Variants in NARS2 observed in about 807,000 individuals in gnomAD.
NARS2 encodes the protein asparaginyl-tRNA synthetase.
A neutral mutation model predicts 62.9 loss-of-function variants in NARS2; 60 were observed. The observed-to-expected ratio is 0.95, with a 90% CI of 0.77 to 1.18. NARS2 has a LOEUF of 1.18. NARS2 is among the 50% of genes most tolerant of loss of function. The pLI is 0.00. For missense variants in NARS2, 619 were observed against 576.4 expected (o/e 1.07, Z -0.76); for synonymous variants, 196 against 200.0 (o/e 0.98, Z 0.17).
intron 5 of NARS2, among the ~76,000 whole-genome samples, chr11:78,552,976 T>C (rs1234418649): frequency 6.6e-6 from 1 of 152,210 alleles, no homozygotes; most frequent in African/African-American, 2.4e-5. Flanking sequence ...ATATACCCAG[T>C]AATGGGACTG....
intron 7 of NARS2, among the ~76,000 whole-genome samples, chr11:78,486,904 G>T (rs1411342329): frequency 6.6e-6 from 1 of 151,796 alleles, no homozygotes; most frequent in Non-Finnish European, 1.5e-5. Flanking sequence ...TGGAGAAAAA[G>T]AAACTAAAAA....
intron 5 of NARS2, among the ~76,000 whole-genome samples, chr11:78,538,184 C>G (rs1460684537): frequency 6.6e-6 from 1 of 152,118 alleles, no homozygotes; most frequent in African/African-American, 2.4e-5. Context: ...ACGTTGTTCA[C>G]CTCACAGCAG....
At chr11:78,512,169 T>C (rs1860744293) in intron 6 of NARS2, among the ~76,000 whole-genome samples, 1 of 152,222 alleles carries the variant, frequency 6.6e-6, no homozygotes, top group Non-Finnish European at 1.5e-5. Flanking sequence ...CTCTGACAGT[T>C]AATTGATTTC....
chr11:78,531,412 C>T (rs1451434965), intron 5 of NARS2, among the ~76,000 whole-genome samples: 3 of 151,942 alleles, frequency 2.0e-5, no homozygotes, highest in Non-Finnish European at 2.9e-5. Flanking sequence ...TAGAAATGTA[C>T]AATAAGGGGT....
At chr11:78,525,302 G>A (rs560561424) in intron 6 of NARS2, among the ~76,000 whole-genome samples, 38 of 152,182 alleles carry the variant, frequency 2.5e-4, no homozygotes, top group Non-Finnish European at 4.9e-4. Flanking sequence ...ATAATAATAT[G>A]TCAGTGTAAC....
At chr11:78,548,792 A>T (rs762560151) in intron 5 of NARS2, among the ~76,000 whole-genome samples, 10 of 151,942 alleles carry the variant, frequency 6.6e-5, no homozygotes, top group East Asian at 1.9e-4. Flanking sequence ...AATGTTATTT[A>T]AAAAAAAATT....
chr11:78,574,285 G>C, intron 1 of NARS2, 63 bp downstream of exon 1: 3 of 1,599,270 alleles, frequency 1.9e-6, no homozygotes, highest in Non-Finnish European at 8.6e-7. Flanking sequence ...AGAAAAGCTA[G>C]ATGTGGATGT....
chr11:78,504,319 T>G (rs1035621923), intron 6 of NARS2, among the ~76,000 whole-genome samples: 4 of 152,104 alleles, frequency 2.6e-5, no homozygotes, highest in African/African-American at 9.7e-5. Context: ...TAAATCCACC[T>G]CTTAAATGTG....
rs772547555 is a variant in NARS2, at chr11:78,568,686, T to C, written c.318A>G (p.Gln106=). The C allele has an allele frequency of 1.9e-6, 3 of 1,613,468 alleles. No homozygotes were observed. Among genetic ancestry groups the C allele is most frequent in the Non-Finnish European group, 2.5e-6 (3 of 1,179,598 alleles). ...TTTTTTCTGCCTTCAGTTCCACATT[T>C]TGCCTTTTGGATGGACTTTTTATCA... ...GQLIKSPSKR[Q]NVELKAEKIK... Residue 106 remains glutamine (Q), a synonymous_variant, in exon 3 of 14, where the codon CAA becomes CAG. Transcript: ENST00000281038.
chr11:78,538,994 C>CAAAAAAAAAAAAAA lies in NARS2; in HGVS notation c.595-10072_595-10059dup, dbSNP rs59917269. On this transcript the variant is annotated intron_variant, in intron 5 of 13. Coordinates refer to ENST00000281038, the MANE Select transcript of NARS2 (RefSeq NM_024678.6). ...TGGGCGACAGAGCGAGAATCCGTCT[C>CAAAAAAAAAAAAAA]AAAAAAAAAAAAAAAAAAAAAAAAA... 1.2e-4 allele frequency among the ~76,000 whole-genome samples: 6 copies of CAAAAAAAAAAAAAA among 49,790 alleles called. 1 individual carries two copies. Among genetic ancestry groups the CAAAAAAAAAAAAAA allele is most frequent in the African/African-American group, 4.5e-4 (5 of 11,064 alleles). The allele number at this position is 49,790 out of a possible 152,430, so 32.7% of individuals were successfully genotyped here.
intron 5 of NARS2, among the ~76,000 whole-genome samples, chr11:78,544,795 C>CCAAAAA (rs1248560666): frequency 1.6e-5 from 1 of 63,256 alleles, no homozygotes; most frequent in African/African-American, 6.2e-5. Context: ...CTCCGTCTCA[C>CCAAAAA]AAAAAAAAAA....
Position 78,441,079 on chromosome 11 carries a change from C to T in NARS2, c.1289+12G>A. 1.2e-6 allele frequency: 2 copies of T among 1,611,026 alleles called. No individual in the cohort carries two copies. The highest frequency in any genetic ancestry group is 1.1e-5 in the South Asian group (1 of 90,840). ...CAGCTAGAGTAAGAATTATTAGGGG[C>T]CACATTCTTACCATTGGTAGACTTC... On this transcript the variant is annotated intron_variant, in intron 13 of 13. Transcript: ENST00000281038.
chr11:78,438,531 G>C (rs559099685), intron 13 of NARS2, among the ~76,000 whole-genome samples: 2 of 152,270 alleles, frequency 1.3e-5, no homozygotes, highest in African/African-American at 4.8e-5. Flanking sequence ...CATTGATATT[G>C]AAACACTGGC....
intron 6 of NARS2, among the ~76,000 whole-genome samples, chr11:78,520,433 T>C (rs1861072243): frequency 6.6e-6 from 1 of 152,194 alleles, no homozygotes; most frequent in Non-Finnish European, 1.5e-5. Flanking sequence ...GTCACTGGAT[T>C]TAGGGCACAC....
intron 6 of NARS2, among the ~76,000 whole-genome samples, chr11:78,508,940 T>C (rs1370225528): frequency 6.6e-6 from 1 of 151,692 alleles, no homozygotes; most frequent in Non-Finnish European, 1.5e-5. Flanking sequence ...CAGGACGACA[T>C]CCTGTTTCTA....
chr11:78,544,987 G>A (rs1855800023), intron 5 of NARS2, among the ~76,000 whole-genome samples: 1 of 152,016 alleles, frequency 6.6e-6, no homozygotes, highest in Admixed American at 6.6e-5. Flanking sequence ...TTCATGATAT[G>A]TGAGTCACCA....
intron 9 of NARS2, among the ~76,000 whole-genome samples, chr11:78,477,643 G>T (rs1422552400): frequency 1.3e-5 from 2 of 152,024 alleles, no homozygotes; most frequent in Non-Finnish European, 2.9e-5. Context: ...GGTGTTTTTT[G>T]GATGAAATTA....
chr11:78,526,674 C>G (rs1861305679), intron 6 of NARS2, among the ~76,000 whole-genome samples: 1 of 152,080 alleles, frequency 6.6e-6, no homozygotes, highest in Non-Finnish European at 1.5e-5. Context: ...CGTCAAGTTT[C>G]ACAGAACACT....
chr11:78,455,211 A>G (rs377656049), intron 11 of NARS2, among the ~76,000 whole-genome samples: 7 of 152,146 alleles, frequency 4.6e-5, no homozygotes, highest in South Asian at 4.2e-4. Flanking sequence ...TAACACTCCA[A>G]TCTCTCCATA....
Sources: allele counts gnomAD v4.1 joint callset (sites outside exome capture counted in the v4.1 genomes callset), GRCh38; gene constraint gnomAD v4.1.1; transcripts MANE v1.5; gene names NCBI Gene and HGNC (gene_info 2026-07-23, HGNC 2026-07-21).